The following SHANK2 variants were observed in gnomAD, a reference collection of about 807,000 sequenced individuals.
The protein encoded by SHANK2 is SH3 and multiple ankyrin repeat domains protein 2.
Under a neutral mutation model 133.7 loss-of-function variants are expected in SHANK2, and 43 were observed. That is an observed-to-expected ratio of 0.32 (90% CI 0.25 to 0.41). The LOEUF (loss-of-function observed/expected upper bound fraction) is 0.41, where lower values mean the gene tolerates loss of function less well. SHANK2 is among the 10% of genes least tolerant of loss of function. The probability of loss-of-function intolerance (pLI) is 1.00; values close to 1 mark genes in which losing one functional copy is unlikely to be tolerated. For synonymous variants in SHANK2, 1,017 were observed against 952.8 expected (o/e 1.07, Z -1.24); for missense variants, 1,994 against 2,235.8 (o/e 0.89, Z 2.18).
At chr11:71,210,210 G>GTGTATGTATATATATATA (rs1491563939) in intron 2 of SHANK2, among the ~76,000 whole-genome samples, 2 of 54,074 alleles carry the variant, frequency 3.7e-5, no homozygotes, top group Admixed American at 2.4e-4. Flanking sequence ...AAATCCACAG[G>GTGTATGTATATATATATA]TATATATATA....
intron 25 of SHANK2, among the ~76,000 whole-genome samples, chr11:70,482,904 C>T (rs551096780): frequency 1.2e-3 from 180 of 152,312 alleles, no homozygotes; most frequent in African/African-American, 4.1e-3. Flanking sequence ...GGGTCCCACT[C>T]CCCTGTGGGC....
In SHANK2 at chr11:71,203,173, C is replaced by T. The variant is rs116314236; in HGVS notation, c.-13+21524G>A. 7.7e-3 allele frequency among the ~76,000 whole-genome samples: 1,167 copies of T among 152,142 alleles called. 15 individuals are homozygous for T. Among genetic ancestry groups the T allele is most frequent in the African/African-American group, 0.026 (1,065 of 41,502 alleles). On this transcript the variant is annotated intron_variant, in intron 2 of 25. Coordinates refer to ENST00000601538, the MANE Select transcript of SHANK2 (RefSeq NM_012309.5). ...GTAATGACCATCTGTGAGGGGGAGG[C>T]GCAGGGTCTAGGGAGATGTGCCCCA...
chr11:70,949,187 A>T (rs1385318821), intron 10 of SHANK2, among the ~76,000 whole-genome samples: 2 of 152,256 alleles, frequency 1.3e-5, no homozygotes, highest in Non-Finnish European at 2.9e-5. Context: ...CACATGTGGA[A>T]GAGAAAAGGC....
At chr11:70,822,834 TG>T (rs145988984) in intron 11 of SHANK2, among the ~76,000 whole-genome samples, 1 of 44,976 alleles carries the variant, frequency 2.2e-5, no homozygotes, top group Non-Finnish European at 4.7e-5. Context: ...GCAGAGCTCA[TG>T]GGGGTCAGAG....
At chr11:70,561,530 T>A (rs1346511547) in intron 17 of SHANK2, among the ~76,000 whole-genome samples, 1 of 151,802 alleles carries the variant, frequency 6.6e-6, no homozygotes, top group East Asian at 1.9e-4. Flanking sequence ...TTCTGCTTGC[T>A]TGTTGTTGTT....
chr11:71,065,765 C>T (rs1260573197), intron 9 of SHANK2, among the ~76,000 whole-genome samples: 2 of 28,016 alleles, frequency 7.1e-5, no homozygotes, highest in South Asian at 1.4e-3. Context: ...CAGTGAGTGG[C>T]GAAGTTGGGG....
chr11:70,537,768 A>C (rs1335150405), intron 17 of SHANK2, among the ~76,000 whole-genome samples: 2 of 152,260 alleles, frequency 1.3e-5, no homozygotes, highest in Non-Finnish European at 2.9e-5. Flanking sequence ...GGCACGAGTC[A>C]GCTCTGCGGA....
chr11:70,669,093 G>C (rs1197744732), intron 15 of SHANK2: 1 of 152,264 alleles, frequency 6.6e-6, no homozygotes, highest in African/African-American at 2.4e-5. Flanking sequence ...TTGCACCTGT[G>C]CCAGGAACTT....
chr11:71,228,781 A>T (rs906742765), intron 1 of SHANK2, among the ~76,000 whole-genome samples: 3 of 152,336 alleles, frequency 2.0e-5, no homozygotes, highest in South Asian at 2.1e-4. Context: ...ATAATTTTTT[A>T]AAAAAGAAGA....
At chr11:70,684,130 A>G (rs115456776) in intron 15 of SHANK2, among the ~76,000 whole-genome samples, 165 of 152,100 alleles carry the variant, frequency 1.1e-3, no homozygotes, top group African/African-American at 3.8e-3. Flanking sequence ...AGAGAGAGAG[A>G]CCTGGGTCCC....
chr11:71,170,161 A>T (rs1249897771), intron 2 of SHANK2, among the ~76,000 whole-genome samples: 1 of 152,244 alleles, frequency 6.6e-6, no homozygotes, highest in Non-Finnish European at 1.5e-5. Flanking sequence ...TTTTATCAAA[A>T]TACATCCAAA....
chr11:71,197,755 A>T (rs1591010966), intron 2 of SHANK2, among the ~76,000 whole-genome samples: 1 of 152,306 alleles, frequency 6.6e-6, no homozygotes, highest in East Asian at 1.9e-4. Flanking sequence ...GGTTCATGCC[A>T]TTCTCCTGTC....
At chr11:70,774,419 A>T (rs1947319470) in intron 14 of SHANK2, among the ~76,000 whole-genome samples, 1 of 152,022 alleles carries the variant, frequency 6.6e-6, no homozygotes, top group South Asian at 2.1e-4. Flanking sequence ...TCCCAGGTTC[A>T]AGCAATTCTC....
intron 11 of SHANK2, among the ~76,000 whole-genome samples, chr11:70,824,240 A>G (rs1312605063): frequency 1.3e-5 from 2 of 151,930 alleles, no homozygotes; most frequent in African/African-American, 4.8e-5. Flanking sequence ...AAGCCTGGGG[A>G]GCCGCACAGA....
chr11:70,642,056 G>A (rs774094428), intron 17 of SHANK2, among the ~76,000 whole-genome samples: 2 of 152,236 alleles, frequency 1.3e-5, no homozygotes, highest in Non-Finnish European at 2.9e-5. Flanking sequence ...ACCAGGATGG[G>A]TAAGGTCAGA....
intron 5 of SHANK2, among the ~76,000 whole-genome samples, chr11:71,111,143 C>T (rs1951886093): frequency 6.6e-6 from 1 of 152,206 alleles, no homozygotes; most frequent in Non-Finnish European, 1.5e-5. Flanking sequence ...TTTGTAAAAG[C>T]AGCGTAAATG....
chr11:70,569,498 AAG>A lies in SHANK2; in HGVS notation c.2062-66569_2062-66568del, dbSNP rs1554982652. On this transcript the variant is annotated intron_variant, in intron 17 of 25. Transcript: ENST00000601538. This position sits in a 1 kb window ranked among gnomAD's most constrained non-coding sequence, Gnocchi z 5.1. ...GGTTGACCAACGATGAGGCCCCAGGAAGAGAGGCATGGGTGGCGCTGCCGGCC... is the reference window on the plus strand; with the variant it reads ...GGTTGACCAACGATGAGGCCCCAGGAAGAGGCATGGGTGGCGCTGCCGGCC... Among the ~76,000 whole-genome samples, 2 of 152,094 alleles carry A rather than the reference AAG, an allele frequency of 1.3e-5. No homozygotes were observed. Among genetic ancestry groups the A allele is most frequent in the African/African-American group, 4.8e-5 (2 of 41,422 alleles).
chr11:70,496,584 CT>C (rs2058974128), intron 21 of SHANK2, among the ~76,000 whole-genome samples: 1 of 152,258 alleles, frequency 6.6e-6, no homozygotes, highest in Non-Finnish European at 1.5e-5. Context: ...GCCGATCATC[CT>C]GTTTCTCATC....
intron 2 of SHANK2, among the ~76,000 whole-genome samples, chr11:71,182,551 C>A (rs1242938807): frequency 6.6e-6 from 1 of 152,134 alleles, no homozygotes; most frequent in Non-Finnish European, 1.5e-5. Flanking sequence ...TGGTAGGTGA[C>A]CATCTTCTCC....
Sources: gnomAD v4.1 joint callset for allele counts (sites outside exome capture counted in the v4.1 genomes callset) on GRCh38, gnomAD v4.1.1 for gene constraint, Gnocchi (gnomAD v3.1) non-coding constraint, MANE v1.5 for transcripts, NCBI Gene and HGNC (gene_info 2026-07-23, HGNC 2026-07-21) for gene names.